Variants in PCDHAC2 observed in about 807,000 individuals in gnomAD.
PCDHAC2 encodes the protein protocadherin alpha subfamily C, 2.
PCDHAC2 carries 24 observed loss-of-function variants against 63.3 expected under a neutral mutation model. The observed-to-expected ratio is 0.38, with a 90% CI of 0.27 to 0.53. The LOEUF (loss-of-function observed/expected upper bound fraction) is 0.53. Ranked by LOEUF, PCDHAC2 falls within the 20% of genes least tolerant of loss-of-function variation. The pLI, the probability that PCDHAC2 is intolerant of heterozygous loss-of-function variation, is 0.81. For missense variants in PCDHAC2, 1,181 were observed against 1,275.2 expected (o/e 0.93, Z 1.12); for synonymous variants, 569 against 529.4 (o/e 1.07, Z -1.03).
chr5:140,986,238 A>G (rs1358537911), intron 3 of PCDHAC2, among the ~76,000 whole-genome samples: 1 of 152,152 alleles, frequency 6.6e-6, no homozygotes. Context: ...CCTCTGTGTG[A>G]GCAGACCCGG....
intron 3 of PCDHAC2, among the ~76,000 whole-genome samples, chr5:141,005,035 GT>G (rs1272983494): frequency 6.6e-6 from 1 of 152,194 alleles, no homozygotes; most frequent in African/African-American, 2.4e-5. Context: ...TTGCCCATAT[GT>G]GATACCATTT....
intron 1 of PCDHAC2, among the ~76,000 whole-genome samples, chr5:140,973,778 T>C (rs910410874): frequency 3.9e-5 from 6 of 152,256 alleles, no homozygotes; most frequent in African/African-American, 1.4e-4. Context: ...ATATTATAGG[T>C]TGCCTATTGG....
chr5:140,973,582 T>C lies in PCDHAC2; in HGVS notation c.2565+4251T>C, dbSNP rs76146918. Among the ~76,000 whole-genome samples the C allele has an allele frequency of 4.6e-3, 708 of 152,364 alleles. 4 individuals are homozygous for C. The highest frequency in any genetic ancestry group is 0.016 in the African/African-American group (685 of 41,596). On this transcript the variant is annotated intron_variant, in intron 1 of 3. Coordinates refer to ENST00000289269, the MANE Select transcript of PCDHAC2 (RefSeq NM_018899.6). ...TTTCCTCAATTTTTCTACAGACTGC[T>C]GAGCCAGATGGAATTATGGCTGAGC...
rs1033433543 is a variant in PCDHAC2 at position 140,966,708 on chromosome 5, C to T, written c.-59C>T. The T allele has an allele frequency of 1.7e-5, 23 of 1,384,632 alleles. No homozygotes were observed. The highest frequency in any genetic ancestry group is 6.1e-5 in the African/African-American group (4 of 65,282). The allele number at this position is 1,384,632 out of a possible 1,614,324, so 85.8% of individuals were successfully genotyped here. A position where few individuals can be genotyped will look rare whatever the true frequency, so the allele number is the denominator to read the frequency against. On this transcript the variant is annotated 5_prime_UTR_variant, in exon 1 of 4. It adds an upstream start codon to the 5' untranslated region. Coordinates refer to ENST00000289269, the MANE Select transcript of PCDHAC2 (RefSeq NM_018899.6). ...GGAGGCGGGGCCCGGGCGTGGGGCA[C>T]GGCTGGGGAAGCTGCCGCCTCCGGC... is the stretch of plus-strand genomic sequence containing the variant.
intron 3 of PCDHAC2, among the ~76,000 whole-genome samples, chr5:140,997,288 T>C (rs1554255825): frequency 1.3e-5 from 2 of 152,222 alleles, no homozygotes; most frequent in African/African-American, 4.8e-5. Context: ...CACTTAACAA[T>C]GGGGATACAC....
Position 140,966,733 on chromosome 5 carries a change from C to T in PCDHAC2, c.-34C>T. The T allele has an allele frequency of 7.1e-7, 1 of 1,416,484 alleles. No individual in the cohort carries two copies. The highest frequency in any genetic ancestry group is 9.2e-7 in the Non-Finnish European group (1 of 1,091,304). 87.7% of individuals were successfully genotyped at this position (1,416,484 alleles called of 1,614,324 possible). On this transcript the variant is annotated 5_prime_UTR_variant, in exon 1 of 4. Transcript: ENST00000289269. ...CGGCTGGGGAAGCTGCCGCCTCCGGCCCTGCCCGGCTGCCTCCGCCGCGGC... is the reference window on the plus strand; with the variant it reads ...CGGCTGGGGAAGCTGCCGCCTCCGGTCCTGCCCGGCTGCCTCCGCCGCGGC...
intron 3 of PCDHAC2, among the ~76,000 whole-genome samples, chr5:140,995,811 G>A (rs949931541): frequency 6.6e-6 from 1 of 152,240 alleles, no homozygotes; most frequent in South Asian, 2.1e-4. Context: ...GTTTCTGAAG[G>A]GAGATAGCCT....
Position 141,010,486 on chromosome 5 carries a change from A to C in PCDHAC2, c.*549A>C. 1 of 674,072 alleles carries C rather than the reference A, an allele frequency of 1.5e-6. No individual in the cohort carries two copies. Among genetic ancestry groups the C allele is most frequent in the Non-Finnish European group, 2.3e-6 (1 of 434,544 alleles). The allele number at this position is 674,072 out of a possible 1,614,324, so 41.8% of individuals were successfully genotyped here. On this transcript the variant is annotated 3_prime_UTR_variant, in exon 4 of 4. Transcript: ENST00000289269. ...GTATGGAGGGGAAGTGTAAACTTAAAGGGACCAGACTTTCTAAATCTTACA... is the reference window on the plus strand; with the variant it reads ...GTATGGAGGGGAAGTGTAAACTTAACGGGACCAGACTTTCTAAATCTTACA...
Position 140,967,012 on chromosome 5 carries a change from G to A in PCDHAC2, c.246G>A (p.Leu82=). The part of the protein sequence containing the change: ...LGPGCLRINH[L]GAPSPRYLEL... Reference sequence around the variant, plus strand: ...CGGGTTGCTTGCGCATCAACCATCTGGGTGCGCCCAGTCCGCGCTACCTGG... The same window carrying A: ...CGGGTTGCTTGCGCATCAACCATCTAGGTGCGCCCAGTCCGCGCTACCTGG... The change falls in exon 1 of 4, where the codon CTG becomes CTA. Residue 82 remains leucine (L), a synonymous_variant. Transcript: ENST00000289269. 6.2e-7 allele frequency: 1 copy of A among 1,606,776 alleles called. No individual in the cohort carries two copies. Among genetic ancestry groups the A allele is most frequent in the Non-Finnish European group, 8.5e-7 (1 of 1,177,700 alleles).
At chr5:141,002,174 C>T (rs2098063920) in intron 3 of PCDHAC2, among the ~76,000 whole-genome samples, 1 of 152,224 alleles carries the variant, frequency 6.6e-6, no homozygotes, top group Non-Finnish European at 1.5e-5. Context: ...AGGCAGGCTC[C>T]AGAGTGCTGT....
In PCDHAC2 at chr5:141,010,994, G is replaced by A. The variant is rs1338532762; in HGVS notation, c.*1057G>A. ...TTTAAGAGAATTGCCTGAAACATCTGTATTATATCGGCCACCTGCCAATCA... is the reference window on the plus strand; with the variant it reads ...TTTAAGAGAATTGCCTGAAACATCTATATTATATCGGCCACCTGCCAATCA... On this transcript the variant is annotated 3_prime_UTR_variant, in exon 4 of 4. Transcript: ENST00000289269. The A allele has an allele frequency of 6.5e-6, 1 of 153,710 alleles. No homozygotes were observed. The highest frequency in any genetic ancestry group is 1.5e-5 in the Non-Finnish European group (1 of 68,046). The allele number at this position is 153,710 out of a possible 1,614,324, so 9.5% of individuals were successfully genotyped here.
chr5:140,983,340 A>AG (rs2097043854), intron 3 of PCDHAC2, among the ~76,000 whole-genome samples: 1 of 152,240 alleles, frequency 6.6e-6, no homozygotes, highest in African/African-American at 2.4e-5. Flanking sequence ...TCACTAAAGC[A>AG]GGGTCATGTA....
At chr5:140,989,413 T>G (rs1234033175) in intron 3 of PCDHAC2, among the ~76,000 whole-genome samples, 3 of 152,172 alleles carry the variant, frequency 2.0e-5, no homozygotes, top group Non-Finnish European at 4.4e-5. Context: ...GAGTCTGCAC[T>G]TCACTCTGTG....
Position 140,966,785 on chromosome 5 carries a change from A to G in PCDHAC2, c.19A>G (p.Arg7Gly). 1 of 1,522,872 alleles carries G rather than the reference A, an allele frequency of 6.6e-7. No individual in the cohort carries two copies. The allele number at this position is 1,522,872 out of a possible 1,614,324, so 94.3% of individuals were successfully genotyped here. A position where few individuals can be genotyped will look rare whatever the true frequency, so the allele number is the denominator to read the frequency against. Residue 7 changes from arginine (R) to glycine (G), a missense_variant, in exon 1 of 4, where the codon AGA (arginine) becomes GGA (glycine). By Grantham distance (125) the Arg-to-Gly change is moderately radical. Coordinates refer to ENST00000289269, the MANE Select transcript of PCDHAC2 (RefSeq NM_018899.6). MEQAGT[R>G]PAATEHPRLR... Reference sequence around the variant, plus strand: ...AGTGGCTATGGAGCAGGCGGGCACCAGACCTGCGGCGACAGAGCATCCACG... The same window carrying G: ...AGTGGCTATGGAGCAGGCGGGCACCGGACCTGCGGCGACAGAGCATCCACG...
At chr5:141,000,413 ATATATATATTT>A (rs1563651437) in intron 3 of PCDHAC2, among the ~76,000 whole-genome samples, 3 of 93,258 alleles carry the variant, frequency 3.2e-5, no homozygotes, top group African/African-American at 1.4e-4. Flanking sequence ...ATATATATAT[ATATATATATTT>A]TTTTTTTTTT....
chr5:140,975,868 C>T (rs553871611), intron 1 of PCDHAC2, among the ~76,000 whole-genome samples: 2 of 152,222 alleles, frequency 1.3e-5, no homozygotes, highest in East Asian at 3.9e-4. Flanking sequence ...ATATGGACTA[C>T]CTAATTGATT....
At position 140,969,285 on chromosome 5, in the gene PCDHAC2, C is replaced by T. The variant is rs782734189; in HGVS notation, c.2519C>T (p.Ala840Val). ...RNLTGQSGQN[A>V]GNLIILKNEA... The stretch of plus-strand genomic sequence containing the variant: ...CTCACAGGCCAAAGTGGTCAGAATG[C>T]TGGGAACCTGATTATTCTCAAAAAT... The change falls in exon 1 of 4, where the codon GCT (alanine) becomes GTT (valine). Residue 840 changes from alanine (A) to valine (V), a missense_variant. Physicochemically the swap from Ala to Val is moderately conservative, Grantham distance 64. Coordinates refer to ENST00000289269, the MANE Select transcript of PCDHAC2 (RefSeq NM_018899.6). 51 of 1,614,062 alleles carry T rather than the reference C, an allele frequency of 3.2e-5. No individual in the cohort carries two copies. The highest frequency in any genetic ancestry group is 4.3e-5 in the Non-Finnish European group (51 of 1,180,038).
chr5:140,997,221 T>C (rs2097763900), intron 3 of PCDHAC2, among the ~76,000 whole-genome samples: 1 of 152,152 alleles, frequency 6.6e-6, no homozygotes, highest in Admixed American at 6.5e-5. Context: ...GAAACTATCA[T>C]TACCACCCAA....
At position 141,009,806 on chromosome 5, in the gene PCDHAC2, A is replaced by G. The variant is rs781853535; in HGVS notation, c.2893A>G (p.Ile965Val). 18 of 1,614,018 alleles carry G rather than the reference A, an allele frequency of 1.1e-5. No individual in the cohort carries two copies. Among genetic ancestry groups the G allele is most frequent in the Non-Finnish European group, 1.5e-5 (18 of 1,180,028 alleles). ...SIRQEPTNSQ[I>V]DKSDFITFGK... is the part of the protein sequence containing the mutation. ...CCGGCAGGAGCCTACTAACAGCCAA[A>G]TTGACAAAAGTGACTTCATAACCTT... The change falls in exon 4 of 4, where the codon ATT becomes GTT. Residue 965 changes from isoleucine (I) to valine (V), a missense_variant. Physicochemically the swap from Ile to Val is conservative, Grantham distance 29 (BLOSUM62 3). Coordinates refer to ENST00000289269, the MANE Select transcript of PCDHAC2 (RefSeq NM_018899.6).
Sources: allele counts gnomAD v4.1 joint callset (sites outside exome capture counted in the v4.1 genomes callset), GRCh38; gene constraint gnomAD v4.1.1; transcripts MANE v1.5; gene names NCBI Gene and HGNC (gene_info 2026-07-23, HGNC 2026-07-21).